The following AFAP1L1 variants were observed in gnomAD, a reference collection of about 807,000 sequenced individuals.
The protein encoded by AFAP1L1 is actin filament associated protein 1 like 1.
A neutral mutation model predicts 99.8 loss-of-function variants in AFAP1L1; 77 were observed. That is an observed-to-expected ratio of 0.77 (90% CI 0.64 to 0.93). The LOEUF is 0.93. AFAP1L1 is among the 40% of genes least tolerant of loss of function. The pLI, the probability that AFAP1L1 is intolerant of heterozygous loss-of-function variation, is 0.00. For missense variants in AFAP1L1, 893 were observed against 996.8 expected (o/e 0.90, Z 1.40); for synonymous variants, 373 against 395.3 (o/e 0.94, Z 0.67).
chr5:149,319,910 A>G lies in AFAP1L1; in HGVS notation c.1625+183A>G, dbSNP rs75404829. On this transcript the variant is annotated intron_variant, in intron 13 of 18. Coordinates refer to ENST00000296721, the MANE Select transcript of AFAP1L1 (RefSeq NM_152406.4). ...AAAGAGTGGGGAGCTGGCTGAAGGA[A>G]GTAGCCCAGAGTCAGAGGCAAGCTG... 0.01 allele frequency among the ~76,000 whole-genome samples: 1,596 copies of G among 152,316 alleles called. 47 individuals are homozygous for G. The East Asian group carries it at 0.12, about 12-fold the overall frequency.
chr5:149,275,436 C>T (rs547681129), intron 1 of AFAP1L1, among the ~76,000 whole-genome samples: 1 of 151,142 alleles, frequency 6.6e-6, no homozygotes, highest in East Asian at 2.0e-4. Flanking sequence ...AGAAAGATCT[C>T]TGGTGTTTCT....
chr5:149,312,064 C>T, intron 8 of AFAP1L1, 48 bp from the exon 9 acceptor site: 1 of 1,555,784 alleles, frequency 6.4e-7, no homozygotes, highest in East Asian at 2.2e-5. Flanking sequence ...TCCTTTGCAT[C>T]AACAGCTTCC....
At chr5:149,286,219 C>G (rs1178378754) in intron 1 of AFAP1L1, among the ~76,000 whole-genome samples, 1 of 152,126 alleles carries the variant, frequency 6.6e-6, no homozygotes, top group Non-Finnish European at 1.5e-5. Context: ...TGTAACACCT[C>G]ACTGGATCCT....
rs139606335 is a variant in AFAP1L1 at position 149,300,465 on chromosome 5, G to A, written c.229+111G>A. On this transcript the variant is annotated intron_variant, in intron 3 of 18. Transcript: ENST00000296721. ...GGCTCTAACATCGCATCATTAAGTC[G>A]CTTTGGGCCAGTCCTTGGCCCCTCT... is the stretch of plus-strand genomic sequence containing the variant. 575 of 907,674 alleles carry A rather than the reference G, an allele frequency of 6.3e-4. 2 individuals are homozygous for A. The African/African-American group carries it at 6.5e-3, about 10-fold the overall frequency. The allele number at this position is 907,674 out of a possible 1,614,324, so 56.2% of individuals were successfully genotyped here.
chr5:149,313,321 C>T (rs1292521981), intron 9 of AFAP1L1, among the ~76,000 whole-genome samples: 1 of 152,202 alleles, frequency 6.6e-6, no homozygotes, highest in African/African-American at 2.4e-5. Flanking sequence ...GACCCACAGA[C>T]ATGGGCCTTG....
chr5:149,299,452 C>G, intron 1 of AFAP1L1, 57 bp from the exon 2 acceptor site: 1 of 1,599,050 alleles, frequency 6.3e-7, no homozygotes, highest in Non-Finnish European at 8.5e-7. Context: ...GCCGAACTCC[C>G]GGGCACAGAG....
At chr5:149,331,477 G>A (rs1757257365) in intron 16 of AFAP1L1, among the ~76,000 whole-genome samples, 1 of 152,054 alleles carries the variant, frequency 6.6e-6, no homozygotes, top group Non-Finnish European at 1.5e-5. Flanking sequence ...AACATTAGCC[G>A]GGTGTGGCGG....
At chr5:149,273,997 A>G (rs372197084) in intron 1 of AFAP1L1, among the ~76,000 whole-genome samples, 66 of 152,098 alleles carry the variant, frequency 4.3e-4, no homozygotes, top group African/African-American at 7.2e-4. Context: ...CCTCCAGAGC[A>G]CTCTTCCTAG....
chr5:149,338,650 A>G (rs1282890443), intron 18 of AFAP1L1, among the ~76,000 whole-genome samples: 2 of 152,238 alleles, frequency 1.3e-5, no homozygotes, highest in East Asian at 3.8e-4. Context: ...GAACCCAAAA[A>G]AGTCCCTGGT....
At position 149,342,579 on chromosome 5, in the gene AFAP1L1, T is replaced by C. The variant is rs897005729; in HGVS notation, c.*2549T>C. Among the ~76,000 whole-genome samples, 6 of 152,256 alleles carry C rather than the reference T, an allele frequency of 3.9e-5. No individual in the cohort carries two copies. In the East Asian group the frequency reaches 1.2e-3, roughly 29 times the overall value. On this transcript the variant is annotated 3_prime_UTR_variant, in exon 19 of 19. Coordinates refer to ENST00000296721, the MANE Select transcript of AFAP1L1 (RefSeq NM_152406.4). ...GCAGCTAGGAGAAATGTAAGCAAAA[T>C]GGCTAAGGCACAGATGCCACTTGTT...
Position 149,322,876 on chromosome 5 carries a change from A to G in AFAP1L1, c.1810+159A>G, listed in dbSNP as rs568044786. On this transcript the variant is annotated intron_variant, in intron 15 of 18. Transcript: ENST00000296721. ...TAAGAAAAATCACAGAGCAAGCACA[A>G]TGATAAAGGGCAGCTAGCATGTGGC... Among the ~76,000 whole-genome samples the G allele has an allele frequency of 1.3e-4, 20 of 152,272 alleles. No individual in the cohort carries two copies. The South Asian group carries it at 3.9e-3, about 30-fold the overall frequency.
intron 1 of AFAP1L1, among the ~76,000 whole-genome samples, chr5:149,282,325 G>A (rs1755543480): frequency 6.6e-6 from 1 of 152,136 alleles, no homozygotes; most frequent in South Asian, 2.1e-4. Flanking sequence ...TGGAATACGT[G>A]CCTTTTCCAG....
At chr5:149,325,069 G>A (rs1301607317) in intron 15 of AFAP1L1, among the ~76,000 whole-genome samples, 4 of 152,174 alleles carry the variant, frequency 2.6e-5, no homozygotes, top group Non-Finnish European at 4.4e-5. Flanking sequence ...AAATGGTGGC[G>A]TGAGAAGCTG....
At chr5:149,279,290 A>G (rs1055142359) in intron 1 of AFAP1L1, among the ~76,000 whole-genome samples, 2 of 152,242 alleles carry the variant, frequency 1.3e-5, no homozygotes, top group African/African-American at 2.4e-5. Context: ...AGAACTGTTC[A>G]ATGGTAGAAT....
At chr5:149,299,431 G>T (rs7715371) in intron 1 of AFAP1L1, 78 bp from the exon 2 acceptor site, 135,108 of 1,575,122 alleles carry the variant, frequency 0.086, 6,338 homozygotes, top group African/African-American at 0.19. Context: ...CCCAACTCTA[G>T]GTGGTGGGGG....
chr5:149,305,673 A>C (rs1443167552), intron 5 of AFAP1L1, among the ~76,000 whole-genome samples: 2 of 152,152 alleles, frequency 1.3e-5, no homozygotes, highest in Non-Finnish European at 2.9e-5. Flanking sequence ...GAAAATCTGC[A>C]CAGGTAGTTG....
chr5:149,311,129 C>T (rs1309161715), intron 8 of AFAP1L1, among the ~76,000 whole-genome samples: 1 of 152,190 alleles, frequency 6.6e-6, no homozygotes, highest in Non-Finnish European at 1.5e-5. Flanking sequence ...TCCTTTCCTC[C>T]TCTGATCTTC....
Position 149,341,758 on chromosome 5 carries a change from C to T in AFAP1L1, c.*1728C>T, listed in dbSNP as rs1757566832. 1 of 151,762 alleles carries T rather than the reference C, an allele frequency of 6.6e-6. No individual in the cohort carries two copies. Among genetic ancestry groups the T allele is most frequent in the Non-Finnish European group, 1.5e-5 (1 of 67,960 alleles). 9.4% of individuals were successfully genotyped at this position (151,762 alleles called of 1,614,324 possible). ...ACTCCAGCCTAAGCAAATAGCAAGA[C>T]CCCATCTATTAAAAAAAAAAAGTGG... On this transcript the variant is annotated 3_prime_UTR_variant, in exon 19 of 19. Coordinates refer to ENST00000296721, the MANE Select transcript of AFAP1L1 (RefSeq NM_152406.4).
At chr5:149,328,006 G>C (rs908066988) in intron 15 of AFAP1L1, among the ~76,000 whole-genome samples, 1 of 152,188 alleles carries the variant, frequency 6.6e-6, no homozygotes, top group Non-Finnish European at 1.5e-5. Context: ...TGGTAAAAAT[G>C]CTAATACCAA....
Sources: gnomAD v4.1 joint callset for allele counts (sites outside exome capture counted in the v4.1 genomes callset) on GRCh38, gnomAD v4.1.1 for gene constraint, MANE v1.5 for transcripts, NCBI Gene and HGNC (gene_info 2026-07-23, HGNC 2026-07-21) for gene names.